TOX3: variants seen among roughly 807,000 people sequenced by gnomAD.
TOX3 encodes the protein CAG trinucleotide repeat-containing gene F9 protein.
A neutral mutation model predicts 64.3 loss-of-function variants in TOX3; 22 were observed. That is an observed-to-expected ratio of 0.34 (90% CI 0.24 to 0.49). The LOEUF (loss-of-function observed/expected upper bound fraction) is 0.49, where lower values mean the gene tolerates loss of function less well. Among genes scored for constraint, TOX3 ranks in the 20% least tolerant of loss-of-function variants. The probability of loss-of-function intolerance (pLI) is 0.99; values close to 1 mark genes in which losing one functional copy is unlikely to be tolerated. For synonymous variants in TOX3, 291 were observed against 273.6 expected (o/e 1.06, Z -0.63); for missense variants, 661 against 714.4 (o/e 0.93, Z 0.85).
At chr16:52,452,536 G>A (rs565134031) in intron 3 of TOX3, among the ~76,000 whole-genome samples, 13 of 152,068 alleles carry the variant, frequency 8.5e-5, no homozygotes, top group African/African-American at 2.9e-4. Context: ...TTGTGGGGTG[G>A]GGGGAATGGG....
intron 1 of TOX3, among the ~76,000 whole-genome samples, chr16:52,495,619 C>T (rs12597838): frequency 0.49 from 74,563 of 151,946 alleles, 18,830 homozygotes; most frequent in East Asian, 0.75. Context: ...ATGTGGTGTA[C>T]GCAGAATTTG....
chr16:52,504,390 C>T (rs1962098050), intron 1 of TOX3, among the ~76,000 whole-genome samples: 1 of 149,004 alleles, frequency 6.7e-6, no homozygotes, highest in Admixed American at 6.9e-5. Flanking sequence ...TGGCGTGAAC[C>T]CAGGAGGCGG....
chr16:52,486,923 G>A (rs980563922), intron 1 of TOX3, among the ~76,000 whole-genome samples: 9 of 151,972 alleles, frequency 5.9e-5, no homozygotes, highest in Non-Finnish European at 1.0e-4. Flanking sequence ...GCAACAAAGC[G>A]AGCCTCTACA....
intron 1 of TOX3, among the ~76,000 whole-genome samples, chr16:52,478,223 G>T (rs1461184222): frequency 6.6e-6 from 1 of 152,158 alleles, no homozygotes; most frequent in Non-Finnish European, 1.5e-5. Context: ...TCATCTGGGT[G>T]CTGGCTCCTT....
chr16:52,470,897 G>A (rs190087040), intron 1 of TOX3, among the ~76,000 whole-genome samples: 34 of 152,240 alleles, frequency 2.2e-4, no homozygotes, highest in African/African-American at 5.3e-4. Flanking sequence ...CTGATCAGGC[G>A]GGAACAGTTA....
intron 1 of TOX3, among the ~76,000 whole-genome samples, chr16:52,536,147 CT>C (rs1376578297): frequency 6.6e-6 from 1 of 152,156 alleles, no homozygotes; most frequent in African/African-American, 2.4e-5. Context: ...AATACACCCC[CT>C]ATCCTCATGA....
intron 1 of TOX3, among the ~76,000 whole-genome samples, chr16:52,512,051 T>C (rs1011357126): frequency 5.3e-5 from 8 of 152,166 alleles, no homozygotes; most frequent in African/African-American, 1.9e-4. Flanking sequence ...CATATCTGCC[T>C]CCCAGGGTAA....
intron 1 of TOX3, among the ~76,000 whole-genome samples, chr16:52,478,625 G>A (rs775604992): frequency 8.5e-5 from 13 of 152,154 alleles, no homozygotes; most frequent in Non-Finnish European, 1.9e-4. Flanking sequence ...TGGCCCACAG[G>A]AGCTGCTCAG....
At chr16:52,517,183 C>A (rs1011179820) in intron 1 of TOX3, among the ~76,000 whole-genome samples, 7 of 152,164 alleles carry the variant, frequency 4.6e-5, no homozygotes, top group Non-Finnish European at 1.5e-5. Flanking sequence ...AACATTCAAT[C>A]GAATTTAAGA....
At chr16:52,465,005 C>CTTTT (rs1168498170) in intron 2 of TOX3, among the ~76,000 whole-genome samples, 805 of 70,932 alleles carry the variant, frequency 0.011, 233 homozygotes, top group Middle Eastern at 0.05. Context: ...TTAATGCATT[C>CTTTT]TTTTTTTTTT....
At chr16:52,450,249 G>T (rs370088714) in intron 4 of TOX3, 28 bp downstream of exon 4, 35 of 1,612,892 alleles carry the variant, frequency 2.2e-5, no homozygotes, top group Admixed American at 5.0e-5. Flanking sequence ...TCTCTGGCAG[G>T]TTACACACTA....
At chr16:52,466,746 A>G (rs1960878310) in intron 2 of TOX3, among the ~76,000 whole-genome samples, 1 of 152,216 alleles carries the variant, frequency 6.6e-6, no homozygotes. Flanking sequence ...AGCATATTAC[A>G]ATATCCTAAC....
At chr16:52,484,558 G>C (rs927082389) in intron 1 of TOX3, among the ~76,000 whole-genome samples, 4 of 151,950 alleles carry the variant, frequency 2.6e-5, no homozygotes, top group Admixed American at 6.6e-5. Flanking sequence ...AAGTTTTACT[G>C]TTGATTCATT....
intron 1 of TOX3, among the ~76,000 whole-genome samples, chr16:52,541,656 T>A (rs45492699): frequency 6.6e-6 from 1 of 152,344 alleles, no homozygotes; most frequent in Non-Finnish European, 1.5e-5. Flanking sequence ...ATGAAGTAGA[T>A]TCCTTGAAAT....
chr16:52,474,965 A>G (rs1961166640), intron 1 of TOX3, among the ~76,000 whole-genome samples: 2 of 152,022 alleles, frequency 1.3e-5, no homozygotes, highest in African/African-American at 4.8e-5. Context: ...TTCCCACCCC[A>G]GGGCCTTTGC....
chr16:52,493,585 T>C (rs1478909947), intron 1 of TOX3, among the ~76,000 whole-genome samples: 1 of 152,156 alleles, frequency 6.6e-6, no homozygotes, highest in Non-Finnish European at 1.5e-5. Context: ...AACCTAAATA[T>C]TCTCGTTTGT....
chr16:52,439,335 T>G lies in TOX3; in HGVS notation c.1621A>C (p.Thr541Pro). The G allele has an allele frequency of 1.2e-6, 2 of 1,613,172 alleles. No homozygotes were observed. The highest frequency in any genetic ancestry group is 1.7e-6 in the Non-Finnish European group (2 of 1,179,516). Reference sequence around the variant, plus strand: ...CTCCCGATGGCAGGGATGGGGGATGTTATCTGAGAGGCGACAGGGGAGTGC... The same window carrying G: ...CTCCCGATGGCAGGGATGGGGGATGGTATCTGAGAGGCGACAGGGGAGTGC... ...RQHSPVASQI[T>P]SPIPAIGSPQ... Residue 541 changes from threonine to proline, a missense_variant, in exon 7 of 7, where the codon ACA becomes CCA. By Grantham distance (38) the Thr-to-Pro change is conservative. Around this residue, in one of 3 missense-constraint regions of TOX3, gnomAD observed 299 missense variants for 292.1 expected, o/e 1.02. Coordinates refer to ENST00000219746, the MANE Select transcript of TOX3 (RefSeq NM_001080430.4).
At position 52,469,528 on chromosome 16, in the gene TOX3, T is replaced by A. The variant is rs1053258783; in HGVS notation, c.88-954A>T. Among the ~76,000 whole-genome samples the A allele has an allele frequency of 2.0e-5, 3 of 152,302 alleles. 1 individual carries two copies. Among genetic ancestry groups the A allele is most frequent in the Admixed American group, 6.5e-5 (1 of 15,308 alleles). On this transcript the variant is annotated intron_variant, in intron 1 of 6. Coordinates refer to ENST00000219746, the MANE Select transcript of TOX3 (RefSeq NM_001080430.4). ...AATGTCCTTTTTATAAAGTGTATTATTTCCTTCCTTGAATGCATCAAATAA... is the reference window on the plus strand; with the variant it reads ...AATGTCCTTTTTATAAAGTGTATTAATTCCTTCCTTGAATGCATCAAATAA...
intron 1 of TOX3, among the ~76,000 whole-genome samples, chr16:52,533,345 A>C (rs1268968726): frequency 6.6e-6 from 1 of 152,202 alleles, no homozygotes; most frequent in Non-Finnish European, 1.5e-5. Flanking sequence ...GCTCTGCTCT[A>C]GGAAGTACAA....
Sources: allele counts gnomAD v4.1 joint callset (sites outside exome capture counted in the v4.1 genomes callset), GRCh38; gene constraint gnomAD v4.1.1; regional missense constraint gnomAD v4.1.1; transcripts MANE v1.5; gene names NCBI Gene and HGNC (gene_info 2026-07-23, HGNC 2026-07-21).